Variants in MYRIP observed in about 807,000 individuals in gnomAD.
MYRIP encodes rab effector MyRIP.
In MYRIP, 49 loss-of-function variants were observed where a neutral mutation model predicts 98.0. The ratio of observed to expected loss-of-function variants is 0.50; its 90% CI spans 0.40 to 0.63. MYRIP has a LOEUF of 0.63. Ranked by LOEUF, MYRIP falls within the 30% of genes least tolerant of loss-of-function variation. The pLI is 0.00. For missense variants in MYRIP, 1,004 were observed against 1,058.2 expected (o/e 0.95, Z 0.71); for synonymous variants, 404 against 409.5 (o/e 0.99, Z 0.16).
At chr3:39,885,978 A>T (rs1943290847) in intron 1 of MYRIP, among the ~76,000 whole-genome samples, 2 of 152,034 alleles carry the variant, frequency 1.3e-5, no homozygotes. Flanking sequence ...TGATCATCTG[A>T]AGCCTTCTTC....
At chr3:40,106,219 T>TCCTC in intron 3 of MYRIP, among the ~76,000 whole-genome samples, 1 of 152,068 alleles carries the variant, frequency 6.6e-6, no homozygotes, top group Non-Finnish European at 1.5e-5. Flanking sequence ...CCCCTTCCCT[T>TCCTC]CCTCAGGCCC....
chr3:39,941,242 C>CGTGA (rs1944776835), intron 2 of MYRIP, among the ~76,000 whole-genome samples: 1 of 152,182 alleles, frequency 6.6e-6, no homozygotes, highest in African/African-American at 2.4e-5. Context: ...AGCTTTTACT[C>CGTGA]GTGAGTGAGT....
intron 3 of MYRIP, among the ~76,000 whole-genome samples, chr3:40,082,666 T>G (rs1201646658): frequency 6.6e-6 from 1 of 152,228 alleles, no homozygotes; most frequent in Non-Finnish European, 1.5e-5. Flanking sequence ...ATTTAAAGCA[T>G]AAATCTTATT....
intron 1 of MYRIP, among the ~76,000 whole-genome samples, chr3:39,872,893 G>C (rs1363244350): frequency 6.6e-6 from 1 of 152,162 alleles, no homozygotes; most frequent in Admixed American, 6.5e-5. Flanking sequence ...TCTAGTTCTA[G>C]ATCCCTGAGG....
chr3:39,951,860 T>G (rs2125718637), intron 2 of MYRIP, among the ~76,000 whole-genome samples: 1 of 152,300 alleles, frequency 6.6e-6, no homozygotes, highest in South Asian at 2.1e-4. Context: ...AACTGTCACT[T>G]TTCAGTTGCT....
At chr3:40,206,772 T>C (rs1951802428) in intron 10 of MYRIP, among the ~76,000 whole-genome samples, 1 of 152,202 alleles carries the variant, frequency 6.6e-6, no homozygotes, top group African/African-American at 2.4e-5. Flanking sequence ...GTGCTCAACA[T>C]GTGTTTGCTG....
At chr3:40,203,956 ATTATATACATT>A (rs1951673352) in intron 10 of MYRIP, among the ~76,000 whole-genome samples, 2 of 12,320 alleles carry the variant, frequency 1.6e-4, no homozygotes, top group African/African-American at 3.6e-4. Context: ...TATATTATAT[ATTATATACATT>A]ATATATATTA....
intron 3 of MYRIP, among the ~76,000 whole-genome samples, chr3:40,139,394 G>A (rs1949848189): frequency 3.3e-5 from 5 of 152,188 alleles, no homozygotes; most frequent in Admixed American, 1.3e-4. Context: ...GTTATGTTGT[G>A]CCCCTTTTCT....
chr3:39,814,620 A>T (rs1940817433), intron 1 of MYRIP, among the ~76,000 whole-genome samples: 1 of 152,064 alleles, frequency 6.6e-6, no homozygotes, highest in South Asian at 2.1e-4. Context: ...ATATCCTTGG[A>T]TCTGTCTCTT....
chr3:39,964,738 A>G (rs974294683), intron 2 of MYRIP, among the ~76,000 whole-genome samples: 4 of 152,150 alleles, frequency 2.6e-5, no homozygotes, highest in Admixed American at 6.6e-5. Flanking sequence ...AAGAACTTGG[A>G]ATTATATACT....
intron 3 of MYRIP, among the ~76,000 whole-genome samples, chr3:40,082,252 T>A (rs1948494320): frequency 6.6e-6 from 1 of 152,242 alleles, no homozygotes; most frequent in South Asian, 2.1e-4. Flanking sequence ...TGGATCTATG[T>A]CCAAGGAATT....
At chr3:39,928,081 A>T (rs1485787013) in intron 2 of MYRIP, among the ~76,000 whole-genome samples, 2 of 152,010 alleles carry the variant, frequency 1.3e-5, no homozygotes, top group Non-Finnish European at 1.5e-5. Context: ...ACTTAGATGA[A>T]CTTAGAGAAT....
intron 1 of MYRIP, among the ~76,000 whole-genome samples, chr3:39,857,954 A>G (rs1942354254): frequency 6.6e-6 from 1 of 152,228 alleles, no homozygotes; most frequent in African/African-American, 2.4e-5. Flanking sequence ...TTGCAAAGGC[A>G]TGCAGCAAAA....
Position 40,133,477 on chromosome 3 carries a change from T to C in MYRIP, c.333-17571T>C, listed in dbSNP as rs79954686. 4.7e-3 allele frequency among the ~76,000 whole-genome samples: 715 copies of C among 152,268 alleles called. 5 individuals carry two copies. The highest frequency in any genetic ancestry group is 0.016 in the African/African-American group (663 of 41,550). On this transcript the variant is annotated intron_variant, in intron 3 of 16. Coordinates refer to ENST00000302541, the MANE Select transcript of MYRIP (RefSeq NM_015460.4). ...CAGATCCCTAAATAATTAATTAAAA[T>C]AGTGCTGTGAGGTGTTGTGATAAAG...
intron 8 of MYRIP, among the ~76,000 whole-genome samples, chr3:40,178,928 T>C (rs1446139736): frequency 6.6e-6 from 1 of 152,176 alleles, no homozygotes; most frequent in Admixed American, 6.5e-5. Flanking sequence ...GCAGCCCCCT[T>C]GCATAGATGT....
Position 39,857,951 on chromosome 3 carries a change from G to A in MYRIP, c.-30-42836G>A, listed in dbSNP as rs146527489. 8.9e-4 allele frequency among the ~76,000 whole-genome samples: 135 copies of A among 152,158 alleles called. No homozygotes were observed. In the East Asian group the frequency reaches 0.023, roughly 25 times the overall value. ...TGACAAAAAGTCATCAAATTGCAAA[G>A]GCATGCAGCAAAAGAGAAAGAGAGA... On this transcript the variant is annotated intron_variant, in intron 1 of 16. Coordinates refer to ENST00000302541, the MANE Select transcript of MYRIP (RefSeq NM_015460.4).
chr3:40,064,515 G>A (rs1178363165), intron 3 of MYRIP, among the ~76,000 whole-genome samples: 1 of 152,212 alleles, frequency 6.6e-6, no homozygotes, highest in East Asian at 1.9e-4. Flanking sequence ...CAGTATAACT[G>A]TGGTATTAAA....
intron 1 of MYRIP, among the ~76,000 whole-genome samples, chr3:39,894,654 T>C (rs1477882155): frequency 6.6e-6 from 1 of 152,206 alleles, no homozygotes; most frequent in African/African-American, 2.4e-5. Flanking sequence ...ACGCCTTTCT[T>C]TTAAATACAT....
intron 12 of MYRIP, among the ~76,000 whole-genome samples, chr3:40,235,628 TA>T (rs1952803387): frequency 6.6e-6 from 1 of 152,270 alleles, no homozygotes; most frequent in Non-Finnish European, 1.5e-5. Flanking sequence ...TACTGAACTG[TA>T]AGCAGAGTGG....
Sources: allele counts gnomAD v4.1 joint callset (sites outside exome capture counted in the v4.1 genomes callset), GRCh38; gene constraint gnomAD v4.1.1; transcripts MANE v1.5; gene names NCBI Gene and HGNC (gene_info 2026-07-23, HGNC 2026-07-21).